Variants in FBXL7 observed in about 807,000 individuals in gnomAD.
FBXL7 encodes the protein F-box and leucine rich repeat protein 7.
Under a neutral mutation model 38.3 loss-of-function variants are expected in FBXL7, and 12 were observed. The observed-to-expected ratio is 0.31, with a 90% CI of 0.20 to 0.51. The LOEUF is 0.51. Among genes scored for constraint, FBXL7 ranks in the 20% least tolerant of loss-of-function variants. FBXL7 has a pLI of 0.98. For synonymous variants in FBXL7, 297 were observed against 300.9 expected, an observed-to-expected ratio of 0.99 and a Z score of 0.13; for missense variants, 567 against 676.4, an observed-to-expected ratio of 0.84 and a Z score of 1.79.
At chr5:15,574,071 G>A (rs1561033863) in intron 1 of FBXL7, among the ~76,000 whole-genome samples, 1 of 152,086 alleles carries the variant, frequency 6.6e-6, no homozygotes, top group Non-Finnish European at 1.5e-5. Flanking sequence ...AAGTCCTTTG[G>A]TAGCTTTCTA....
At chr5:15,549,878 G>A (rs1198914646) in intron 1 of FBXL7, among the ~76,000 whole-genome samples, 2 of 152,174 alleles carry the variant, frequency 1.3e-5, no homozygotes, top group Admixed American at 1.3e-4. Context: ...TCTGGCCATT[G>A]CAGTTGGGGT....
chr5:15,928,065 C>T lies in FBXL7; in HGVS notation c.303C>T (p.Ile101=), dbSNP rs868623365. 3 of 1,538,024 alleles carry T rather than the reference C, an allele frequency of 2.0e-6. No homozygotes were observed. Among genetic ancestry groups the T allele is most frequent in the Non-Finnish European group, 1.8e-6 (2 of 1,133,892 alleles). Residue 101 remains isoleucine (I), a synonymous_variant, in exon 3 of 4, where the codon ATC becomes ATT. Transcript: ENST00000504595. This position sits in a 1 kb window ranked among gnomAD's most constrained non-coding sequence, Gnocchi z 4.0. The part of the protein sequence containing the change: ...PPPTRLTHPL[I]RLASRPQKEQ... ...CGACCCGCCTCACACACCCGCTCAT[C>T]CGGCTCGCCTCCAGACCCCAGAAGG...
chr5:15,775,150 G>T (rs78592986), intron 2 of FBXL7, among the ~76,000 whole-genome samples: 10,897 of 152,244 alleles, frequency 0.072, 406 homozygotes, highest in East Asian at 0.1. Context: ...ATTGAACAGT[G>T]CAAAGGATGT....
Position 15,937,899 on chromosome 5 carries a change from C to A in FBXL7, c.*713C>A, listed in dbSNP as rs1049737835. On this transcript the variant is annotated 3_prime_UTR_variant, in exon 4 of 4. Transcript: ENST00000504595. Reference sequence around the variant, plus strand: ...ACAGCCCAAAGATTAGCTTCATGTCCATTATAGCATTGAGGGAGCAGAGAT... The same window carrying A: ...ACAGCCCAAAGATTAGCTTCATGTCAATTATAGCATTGAGGGAGCAGAGAT... 11 of 152,400 alleles carry A rather than the reference C, an allele frequency of 7.2e-5. No individual in the cohort carries two copies. In the South Asian group the frequency reaches 2.3e-3, roughly 32 times the overall value. 9.4% of individuals were successfully genotyped at this position (152,400 alleles called of 1,614,324 possible).
At chr5:15,734,819 C>T (rs1235754137) in intron 2 of FBXL7, among the ~76,000 whole-genome samples, 1 of 152,198 alleles carries the variant, frequency 6.6e-6, no homozygotes, top group East Asian at 1.9e-4. Flanking sequence ...GTAGACCTTA[C>T]ATATATAGAA....
chr5:15,894,209 C>T (rs1317839073), intron 2 of FBXL7, among the ~76,000 whole-genome samples: 1 of 152,174 alleles, frequency 6.6e-6, no homozygotes, highest in Non-Finnish European at 1.5e-5. Flanking sequence ...TGCGGTGAGC[C>T]GAGATCGCAC....
At chr5:15,888,460 C>T (rs2126366880) in intron 2 of FBXL7, among the ~76,000 whole-genome samples, 1 of 152,134 alleles carries the variant, frequency 6.6e-6, no homozygotes, top group East Asian at 1.9e-4. Context: ...AACTCCTGAC[C>T]TCAAGTGATC....
intron 2 of FBXL7, among the ~76,000 whole-genome samples, chr5:15,861,385 C>T (rs1271512666): frequency 6.6e-6 from 1 of 152,206 alleles, no homozygotes; most frequent in Non-Finnish European, 1.5e-5. Flanking sequence ...AGCCAAAGCC[C>T]TCTCTTGCTC....
chr5:15,902,009 G>T (rs892475346), intron 2 of FBXL7, among the ~76,000 whole-genome samples: 1 of 152,118 alleles, frequency 6.6e-6, no homozygotes, highest in African/African-American at 2.4e-5. Flanking sequence ...CATATAATAG[G>T]CCCCATAAAC....
At chr5:15,861,298 A>G (rs1739462718) in intron 2 of FBXL7, among the ~76,000 whole-genome samples, 1 of 152,236 alleles carries the variant, frequency 6.6e-6, no homozygotes, top group African/African-American at 2.4e-5. Flanking sequence ...TTGTCCCTGT[A>G]TCTGAAGTCT....
At chr5:15,568,934 G>T (rs1468681051) in intron 1 of FBXL7, among the ~76,000 whole-genome samples, 1 of 152,096 alleles carries the variant, frequency 6.6e-6, no homozygotes, top group East Asian at 1.9e-4. Context: ...GCTCTGTTCT[G>T]TTCCATTGGT....
At chr5:15,680,879 A>C (rs1742822573) in intron 2 of FBXL7, among the ~76,000 whole-genome samples, 1 of 152,216 alleles carries the variant, frequency 6.6e-6, no homozygotes, top group African/African-American at 2.4e-5. Flanking sequence ...TCACTGCCTA[A>C]ATGAGGAAAG....
intron 2 of FBXL7, among the ~76,000 whole-genome samples, chr5:15,918,871 C>A (rs1266341380): frequency 1.3e-5 from 2 of 152,248 alleles, no homozygotes; most frequent in African/African-American, 4.8e-5. Flanking sequence ...AAAGCTAACT[C>A]CCTCCAGGTG....
chr5:15,930,671 C>T (rs1004312571), intron 3 of FBXL7, among the ~76,000 whole-genome samples: 1 of 152,142 alleles, frequency 6.6e-6, no homozygotes, highest in Non-Finnish European at 1.5e-5. Context: ...TGTGTAGCCT[C>T]CCCTCATGTC....
chr5:15,893,575 A>T (rs1392979644), intron 2 of FBXL7, among the ~76,000 whole-genome samples: 1 of 152,146 alleles, frequency 6.6e-6, no homozygotes, highest in Non-Finnish European at 1.5e-5. Flanking sequence ...TAAAAGCATG[A>T]TCTGAATGTA....
chr5:15,745,013 G>GA (rs1459772292), intron 2 of FBXL7, among the ~76,000 whole-genome samples: 1 of 152,072 alleles, frequency 6.6e-6, no homozygotes, highest in Non-Finnish European at 1.5e-5. Flanking sequence ...TGGGATTATG[G>GA]AAACTACAAT....
chr5:15,858,029 C>A (rs1055136821), intron 2 of FBXL7, among the ~76,000 whole-genome samples: 1 of 152,016 alleles, frequency 6.6e-6, no homozygotes, highest in African/African-American at 2.4e-5. Flanking sequence ...ATGTAGTATT[C>A]ACCAGTATGC....
intron 2 of FBXL7, among the ~76,000 whole-genome samples, chr5:15,728,120 C>G (rs4133004): frequency 3.3e-5 from 5 of 151,852 alleles, no homozygotes; most frequent in Non-Finnish European, 7.4e-5. Context: ...ATATATCACT[C>G]TTTGGAATTT....
intron 2 of FBXL7, among the ~76,000 whole-genome samples, chr5:15,755,982 A>G (rs1283580926): frequency 1.3e-5 from 2 of 152,204 alleles, no homozygotes; most frequent in Non-Finnish European, 2.9e-5. Flanking sequence ...CTACTGCCCT[A>G]CTGGCTGGTT....
Sources: allele counts gnomAD v4.1 joint callset (sites outside exome capture counted in the v4.1 genomes callset), GRCh38; gene constraint gnomAD v4.1.1; non-coding constraint Gnocchi (gnomAD v3.1); transcripts MANE v1.5; gene names NCBI Gene and HGNC (gene_info 2026-07-23, HGNC 2026-07-21).